The following NDST4 variants were observed in gnomAD, a reference collection of about 807,000 sequenced individuals.
The protein encoded by NDST4 is N-heparan sulfate sulfotransferase 4.
A neutral mutation model predicts 100.8 loss-of-function variants in NDST4; 63 were observed. That is an observed-to-expected ratio of 0.62 (90% CI 0.51 to 0.77). The LOEUF (loss-of-function observed/expected upper bound fraction) is 0.77. NDST4 is among the 30% of genes least tolerant of loss of function. NDST4 has a pLI of 0.00. For synonymous variants in NDST4, 377 were observed against 361.8 expected, an observed-to-expected ratio of 1.04 and a Z score of -0.48; for missense variants, 943 against 1,018.4, an observed-to-expected ratio of 0.93 and a Z score of 1.01.
At chr4:115,000,346 T>G (rs1727259841) in intron 2 of NDST4, among the ~76,000 whole-genome samples, 1 of 152,022 alleles carries the variant, frequency 6.6e-6, no homozygotes, top group Admixed American at 6.6e-5. Context: ...TCATTTTTTT[T>G]TATTTTTTGC....
intron 2 of NDST4, among the ~76,000 whole-genome samples, chr4:114,998,618 G>A (rs1330602272): frequency 2.0e-5 from 3 of 152,080 alleles, no homozygotes; most frequent in Non-Finnish European, 2.9e-5. Context: ...ATTGCTCTCA[G>A]ATACATCATC....
In NDST4 at chr4:114,857,760, C is replaced by A. The variant is rs76314529; in HGVS notation, c.1720-4939G>T. Among the ~76,000 whole-genome samples the A allele has an allele frequency of 8.0e-3, 1,212 of 152,182 alleles. 14 individuals are homozygous for A. The highest frequency in any genetic ancestry group is 0.028 in the African/African-American group (1,154 of 41,500). ...CTTATAGCCAAAGGTAAGGATATGACAAACTAATCAGCAGAGATGAATAAA... is the reference window on the plus strand; with the variant it reads ...CTTATAGCCAAAGGTAAGGATATGAAAAACTAATCAGCAGAGATGAATAAA... On this transcript the variant is annotated intron_variant, in intron 7 of 13. Transcript: ENST00000264363.
intron 1 of NDST4, among the ~76,000 whole-genome samples, chr4:115,112,384 A>G (rs898041502): frequency 6.6e-6 from 1 of 151,924 alleles, no homozygotes; most frequent in Non-Finnish European, 1.5e-5. Flanking sequence ...AGAGTTACAG[A>G]AACACATCAG....
rs180738297 is a variant in NDST4, at chr4:115,029,131, A to G, written c.978+46928T>C. Among the ~76,000 whole-genome samples, 801 of 152,226 alleles carry G rather than the reference A, an allele frequency of 5.3e-3. 7 individuals are homozygous for G. The highest frequency in any genetic ancestry group is 0.011 in the South Asian group (54 of 4,824). On this transcript the variant is annotated intron_variant, in intron 2 of 13. Transcript: ENST00000264363. ...GGAAATATGTCATTATCACACTTTC[A>G]AATCAAGGGTAGATTACTGTTTAAA...
At chr4:115,106,523 T>C (rs1298170939) in intron 1 of NDST4, among the ~76,000 whole-genome samples, 1 of 152,110 alleles carries the variant, frequency 6.6e-6, no homozygotes, top group Non-Finnish European at 1.5e-5. Context: ...CATCCTCCTG[T>C]ATACTCTAGC....
At chr4:114,856,888 G>A (rs538514887) in intron 7 of NDST4, among the ~76,000 whole-genome samples, 90 of 152,320 alleles carry the variant, frequency 5.9e-4, no homozygotes, top group African/African-American at 2.0e-3. Context: ...GGGACATCCC[G>A]TTCATAGCAA....
intron 6 of NDST4, among the ~76,000 whole-genome samples, chr4:114,914,238 T>C (rs1725122017): frequency 6.6e-6 from 1 of 151,856 alleles, no homozygotes; most frequent in South Asian, 2.1e-4. Context: ...TACAAAAAAA[T>C]AGAAAAATAA....
chr4:115,012,897 T>A (rs1727585123), intron 2 of NDST4, among the ~76,000 whole-genome samples: 2 of 152,026 alleles, frequency 1.3e-5, no homozygotes, highest in Non-Finnish European at 1.5e-5. Context: ...TTCTGTCATT[T>A]GCAACAAAAG....
At chr4:115,100,706 C>T (rs1387025575) in intron 1 of NDST4, among the ~76,000 whole-genome samples, 1 of 151,890 alleles carries the variant, frequency 6.6e-6, no homozygotes, top group Non-Finnish European at 1.5e-5. Context: ...TTCTAAAATA[C>T]CTGTTTCTCT....
chr4:114,847,077 T>TA (rs955136641), intron 9 of NDST4, among the ~76,000 whole-genome samples: 2 of 152,006 alleles, frequency 1.3e-5, no homozygotes, highest in African/African-American at 4.8e-5. Context: ...AGCTGTACCT[T>TA]AAAAAAATGT....
In NDST4 at chr4:114,839,559, A is replaced by G. The variant is rs766204999; in HGVS notation, c.2116-11T>C. ...ATGTGATCGTTGGTGCTTTAACAAG[A>G]AAGTCAATTGTAAAGTTAGATTTTT... On this transcript the variant is annotated splice_polypyrimidine_tract_variant and intron_variant, in intron 10 of 13. Transcript: ENST00000264363. 3.1e-6 allele frequency: 5 copies of G among 1,612,252 alleles called. No individual in the cohort carries two copies. The African/African-American group carries it at 5.3e-5, about 17-fold the overall frequency.
chr4:114,851,880 T>C (rs1359020957), intron 8 of NDST4, among the ~76,000 whole-genome samples: 1 of 152,172 alleles, frequency 6.6e-6, no homozygotes, highest in East Asian at 1.9e-4. Context: ...AATGACCTAC[T>C]TACTTGTATT....
chr4:114,845,159 A>G (rs960340487), intron 10 of NDST4, among the ~76,000 whole-genome samples: 5 of 152,120 alleles, frequency 3.3e-5, no homozygotes, highest in African/African-American at 1.2e-4. Flanking sequence ...GTGAAACCCC[A>G]TCTCTACAAA....
At chr4:115,048,723 C>T (rs772383363) in intron 2 of NDST4, among the ~76,000 whole-genome samples, 4 of 151,982 alleles carry the variant, frequency 2.6e-5, no homozygotes, top group South Asian at 2.1e-4. Flanking sequence ...TGGCAACCTC[C>T]GCCTCCGTGG....
intron 2 of NDST4, among the ~76,000 whole-genome samples, chr4:115,038,104 C>T (rs976266109): frequency 2.0e-5 from 3 of 152,098 alleles, no homozygotes; most frequent in East Asian, 3.9e-4. Flanking sequence ...AACACCTGTT[C>T]AATTGATATT....
chr4:115,112,181 T>G (rs1729966490), intron 1 of NDST4, among the ~76,000 whole-genome samples: 1 of 146,670 alleles, frequency 6.8e-6, no homozygotes, highest in Admixed American at 6.9e-5. Flanking sequence ...TAGAGTAGAA[T>G]AAATTACTCT....
intron 4 of NDST4, among the ~76,000 whole-genome samples, chr4:114,966,264 C>T (rs1009322022): frequency 6.6e-6 from 1 of 151,950 alleles, no homozygotes; most frequent in Non-Finnish European, 1.5e-5. Context: ...ACATAACTCC[C>T]ACATGCATAT....
chr4:115,057,015 C>T (rs1403092622), intron 2 of NDST4, among the ~76,000 whole-genome samples: 6 of 152,066 alleles, frequency 3.9e-5, no homozygotes, highest in Non-Finnish European at 8.8e-5. Flanking sequence ...TTCTCTTTCA[C>T]ACATTTCCCC....
intron 8 of NDST4, among the ~76,000 whole-genome samples, chr4:114,851,190 A>AC (rs1239378471): frequency 6.6e-6 from 1 of 151,848 alleles, no homozygotes; most frequent in Non-Finnish European, 1.5e-5. Flanking sequence ...CGTATTTGTG[A>AC]CCCCCCTGCA....
Sources: gnomAD v4.1 joint callset for allele counts (sites outside exome capture counted in the v4.1 genomes callset) on GRCh38, gnomAD v4.1.1 for gene constraint, MANE v1.5 for transcripts, NCBI Gene and HGNC (gene_info 2026-07-23, HGNC 2026-07-21) for gene names.